KLF8: variants seen among roughly 807,000 people sequenced by gnomAD.
The protein encoded by KLF8 is Krueppel-like factor 8.
KLF8 carries 10 observed loss-of-function variants against 18.2 expected under a neutral mutation model. The observed-to-expected ratio is 0.55, with a 90% CI of 0.34 to 0.93. The LOEUF is 0.93. Among genes scored for constraint, KLF8 ranks in the 40% least tolerant of loss-of-function variants. KLF8 has a pLI of 0.02. For missense variants in KLF8, 264 were observed against 277.9 expected (o/e 0.95, Z 0.36); for synonymous variants, 109 against 97.3 (o/e 1.12, Z -0.71).
At chrX:56,149,210 A>G in the KLF8 span, among the ~76,000 whole-genome samples, 3 of 111,762 alleles carry the variant, frequency 2.7e-5, no homozygotes, top group South Asian at 1.1e-3. Flanking sequence ...GTGACACCTG[A>G]TGTCTATATC....
At chrX:56,043,456 G>A in the KLF8 span, among the ~76,000 whole-genome samples, 2 of 111,446 alleles carry the variant, frequency 1.8e-5, no homozygotes, top group Admixed American at 1.9e-4. Context: ...ACCCCAATCA[G>A]TGATAGTTTC....
the KLF8 span, among the ~76,000 whole-genome samples, chrX:56,174,423 G>T: frequency 1.8e-5 from 2 of 111,941 alleles, no homozygotes; most frequent in Non-Finnish European, 3.8e-5. Context: ...TGTTGAACCA[G>T]CCTTGCATCC....
At chrX:56,242,485 T>G (rs912858339) in intron 1 of KLF8, among the ~76,000 whole-genome samples, 1 of 112,425 alleles carries the variant, frequency 8.9e-6, no homozygotes, top group Non-Finnish European at 1.9e-5. Context: ...GTTATCATGA[T>G]TGGTCTTCCT....
chrX:56,290,458 T>C lies in KLF8; in HGVS notation c.*5964T>C, dbSNP rs1293946207. Among the ~76,000 whole-genome samples the C allele has an allele frequency of 9.0e-6, 1 of 111,694 alleles. No individual in the cohort carries two copies. The highest frequency in any genetic ancestry group is 1.9e-5 in the Non-Finnish European group (1 of 53,055). On this transcript the variant is annotated 3_prime_UTR_variant, in exon 6 of 6. Transcript: ENST00000468660. ...GAGTGGCCACTGGAAGCAATATTAT[T>C]TATTCTCTTACTTTCACTTTCCCTA...
chrX:56,177,397 G>T, the KLF8 span, among the ~76,000 whole-genome samples: 5 of 111,306 alleles, frequency 4.5e-5, no homozygotes, highest in Admixed American at 9.6e-5. Flanking sequence ...GGTATCAGCA[G>T]TGGAGGCTGC....
At chrX:56,015,555 A>G in the KLF8 span, among the ~76,000 whole-genome samples, 3 of 112,205 alleles carry the variant, frequency 2.7e-5, no homozygotes, top group Non-Finnish European at 5.6e-5. Flanking sequence ...TGGTTTTCCA[A>G]TAGGAAAATG....
At chrX:56,144,488 G>T in the KLF8 span, among the ~76,000 whole-genome samples, 1 of 109,489 alleles carries the variant, frequency 9.1e-6, no homozygotes, top group Admixed American at 9.8e-5. Flanking sequence ...GGTGGCTCAC[G>T]CCTGTAATCC....
chrX:56,263,191 A>C (rs1170085119), intron 2 of KLF8, among the ~76,000 whole-genome samples: 1 of 111,389 alleles, frequency 9.0e-6, no homozygotes, highest in Non-Finnish European at 1.9e-5. Context: ...CCCTGTCAAC[A>C]GGATTCTACT....
the KLF8 span, among the ~76,000 whole-genome samples, chrX:56,058,279 C>CATATATATAT: frequency 9.6e-4 from 7 of 7,300 alleles, no homozygotes; most frequent in African/African-American, 1.9e-3. Flanking sequence ...CATATATATA[C>CATATATATAT]ATATATATAT....
At chrX:56,169,496 G>A in the KLF8 span, among the ~76,000 whole-genome samples, 2 of 110,748 alleles carry the variant, frequency 1.8e-5, no homozygotes, top group Non-Finnish European at 3.8e-5. Flanking sequence ...GTGTGTCTCA[G>A]CACAGTCATA....
chrX:56,122,748 T>TTA, the KLF8 span, among the ~76,000 whole-genome samples: 6 of 110,458 alleles, frequency 5.4e-5, no homozygotes, highest in East Asian at 2.8e-4. Flanking sequence ...TGAACTTGCT[T>TTA]TATATATATA....
chrX:55,930,174 G>A, the KLF8 span, among the ~76,000 whole-genome samples: 7 of 111,447 alleles, frequency 6.3e-5, no homozygotes, highest in Non-Finnish European at 1.1e-4. Flanking sequence ...TCATGATTTG[G>A]CTCTCTGTTT....
intron 1 of KLF8, among the ~76,000 whole-genome samples, chrX:56,236,962 G>T (rs867754242): frequency 4.3e-5 from 4 of 93,329 alleles, no homozygotes; most frequent in African/African-American, 1.6e-4. Flanking sequence ...TAGATAGATG[G>T]ATATATATAT....
chrX:56,133,121 T>C, the KLF8 span, among the ~76,000 whole-genome samples: 1 of 111,672 alleles, frequency 9.0e-6, no homozygotes, highest in Non-Finnish European at 1.9e-5. Context: ...TTTGACACTA[T>C]GCCACAAAAC....
At chrX:56,107,866 G>A in the KLF8 span, among the ~76,000 whole-genome samples, 2 of 111,632 alleles carry the variant, frequency 1.8e-5, no homozygotes, top group Admixed American at 9.5e-5. Flanking sequence ...ACGGATCCCC[G>A]GTCCTCTTTA....
At chrX:56,282,619 G>A (rs1401943142) in intron 5 of KLF8, among the ~76,000 whole-genome samples, 1 of 111,703 alleles carries the variant, frequency 9.0e-6, no homozygotes, top group East Asian at 2.8e-4. Flanking sequence ...ATTGCCACCA[G>A]AATTTAGAAC....
At chrX:56,240,831 T>C (rs745431123) in intron 1 of KLF8, among the ~76,000 whole-genome samples, 1 of 111,472 alleles carries the variant, frequency 9.0e-6, no homozygotes, top group Non-Finnish European at 1.9e-5. Flanking sequence ...TTTAATCCCA[T>C]TGACTCTATT....
At chrX:56,267,035 A>G in intron 3 of KLF8, 1 of 754,210 alleles carries the variant, frequency 1.3e-6, no homozygotes. Flanking sequence ...AAACAAACAA[A>G]AAAGGAAATA....
the KLF8 span, among the ~76,000 whole-genome samples, chrX:56,055,107 A>T: frequency 9.0e-6 from 1 of 111,185 alleles, no homozygotes; most frequent in African/African-American, 3.3e-5. Flanking sequence ...TGTACATTTG[A>T]TCTTGTCAAC....
Sources: gnomAD v4.1 joint callset for allele counts (sites outside exome capture counted in the v4.1 genomes callset) on GRCh38, gnomAD v4.1.1 for gene constraint, MANE v1.5 for transcripts, NCBI Gene and HGNC (gene_info 2026-07-23, HGNC 2026-07-21) for gene names.